ZNF497: variants seen among roughly 807,000 people sequenced by gnomAD.
The protein encoded by ZNF497 is zinc finger-like protein.
For missense variants in ZNF497, 930 were observed against 714.0 expected, an observed-to-expected ratio of 1.30 and a Z score of -3.45; for synonymous variants, 422 against 313.7, an observed-to-expected ratio of 1.35 and a Z score of -3.65.
At position 58,356,258 on chromosome 19, in the gene ZNF497, G is replaced by GCTGCACCA; in HGVS notation, c.1377_1378insTGGTGCAG (p.His460TrpfsTer48). 1 of 1,604,704 alleles carries GCTGCACCA rather than the reference G, an allele frequency of 6.2e-7. No individual in the cohort carries two copies. Among genetic ancestry groups the GCTGCACCA allele is most frequent in the Admixed American group, 1.7e-5 (1 of 59,066 alleles). ...CTCTCGCCCGTGTGCGTGCGCCGGT[G>GCTGCACCA]GCTTAAGAGCTCCGACTTGCGCACG... is the stretch of plus-strand genomic sequence containing the variant. On this transcript the variant is annotated frameshift_variant, in exon 3 of 3. Transcript: ENST00000311044.
rs1401951294 is a variant in ZNF497 at position 58,356,687 on chromosome 19, G to A, written c.949C>T (p.Leu317Phe). Residue 317 changes from leucine to phenylalanine, a missense_variant, in exon 3 of 3, where the codon CTC (leucine) becomes TTC (phenylalanine). By Grantham distance (22) the Leu-to-Phe change is conservative. Transcript: ENST00000311044. ...GTGTGCGTGCGCTGGTGCTGCAGGA[G>A]CTGCGAGCTCTCGCGGAAAGCCTTT... ...CGKAFRESSQLLQHQRTHTGE... is the reference protein window; with the variant it reads ...CGKAFRESSQFLQHQRTHTGE... 7.7e-6 allele frequency: 12 copies of A among 1,559,406 alleles called. No homozygotes were observed. The highest frequency in any genetic ancestry group is 1.7e-4 in the Middle Eastern group (1 of 5,770).
chr19:58,361,379 CAG>C (rs373497082), intron 1 of ZNF497, among the ~76,000 whole-genome samples: 226 of 152,122 alleles, frequency 1.5e-3, no homozygotes, highest in African/African-American at 5.2e-3. Context: ...TTTTTTGAGA[CAG>C]AGTCTCGCTC....
chr19:58,360,149 G>A (rs1208963426), intron 1 of ZNF497, among the ~76,000 whole-genome samples: 1 of 152,190 alleles, frequency 6.6e-6, no homozygotes, highest in African/African-American at 2.4e-5. Flanking sequence ...TAGATCAGCG[G>A]TTGCCAGGAT....
intron 1 of ZNF497, among the ~76,000 whole-genome samples, chr19:58,359,755 C>T (rs563172215): frequency 4.4e-4 from 67 of 152,228 alleles, no homozygotes; most frequent in Non-Finnish European, 7.9e-4. Flanking sequence ...GGGTGGATCA[C>T]GAGGTCAGCA....
chr19:58,359,168 C>T, intron 1 of ZNF497: 1 of 1,290,834 alleles, frequency 7.7e-7, no homozygotes, highest in Admixed American at 2.3e-5. Flanking sequence ...GAAGCACTGG[C>T]CAGGGCTCTT....
rs1306265745 is a variant in ZNF497, at chr19:58,356,005, G to A, written c.*134C>T. The A allele has an allele frequency of 1.9e-6, 2 of 1,038,706 alleles. No individual in the cohort carries two copies. The highest frequency in any genetic ancestry group is 2.7e-6 in the Non-Finnish European group (2 of 744,458). The allele number at this position is 1,038,706 out of a possible 1,614,324, so 64.3% of individuals were successfully genotyped here. On this transcript the variant is annotated 3_prime_UTR_variant, in exon 3 of 3. Coordinates refer to ENST00000311044, the MANE Select transcript of ZNF497 (RefSeq NM_198458.3). ...GCAGCCAGGGTTCTCCACACCCAAG[G>A]CCGCCCCTGCACTCCCAGCAGGAGG...
At chr19:58,358,324 T>C in intron 2 of ZNF497, 165 bp downstream of exon 2, 1 of 1,276,596 alleles carries the variant, frequency 7.8e-7, no homozygotes, top group South Asian at 1.2e-5. Context: ...AGGGCCTCCT[T>C]GGTCCTAAGG....
intron 2 of ZNF497, 53 bp from the exon 3 acceptor site, chr19:58,357,702 CAG>C: frequency 6.8e-7 from 1 of 1,467,788 alleles, no homozygotes; most frequent in Non-Finnish European, 9.0e-7. Flanking sequence ...GAACACCAGA[CAG>C]AGGGCCTGAG....
Position 58,356,585 on chromosome 19 carries a change from C to A in ZNF497, c.1051G>T (p.Val351Leu). 1 of 1,540,804 alleles carries A rather than the reference C, an allele frequency of 6.5e-7. No homozygotes were observed. The highest frequency in any genetic ancestry group is 8.7e-7 in the Non-Finnish European group (1 of 1,148,796). ...MGSYLAEHRR[V>L]HTGEKPHACA... ...GCATGAGGCTTCTCGCCCGTGTGCA[C>A]GCGCCGGTGCTCCGCCAGGTAGGAG... Residue 351 changes from valine to leucine, a missense_variant, in exon 3 of 3, where the codon GTG becomes TTG. By Grantham distance (32) the Val-to-Leu change is conservative (BLOSUM62 1). Transcript: ENST00000311044.
chr19:58,358,644 A>G, intron 1 of ZNF497, 59 bp from the exon 2 acceptor site: 1 of 935,668 alleles, frequency 1.1e-6, no homozygotes, highest in African/African-American at 1.7e-5. Flanking sequence ...ATCTGAGAAA[A>G]CAAGGGGCAT....
intron 2 of ZNF497, 168 bp downstream of exon 2, chr19:58,358,321 C>A: frequency 7.8e-7 from 1 of 1,279,592 alleles, no homozygotes; most frequent in Non-Finnish European, 1.0e-6. Context: ...GGGAGGGCCT[C>A]CTTGGTCCTA....
At position 58,356,168 on chromosome 19, in the gene ZNF497, T is replaced by G; in HGVS notation, c.1468A>C (p.Lys490Gln). Residue 490 changes from lysine (K) to glutamine (Q), a missense_variant, in exon 3 of 3, where the codon AAG (lysine) becomes CAG (glutamine). By Grantham distance (53) the Lys-to-Gln change is moderately conservative. Coordinates refer to ENST00000311044, the MANE Select transcript of ZNF497 (RefSeq NM_198458.3). ...SHRCNLNEHQ[K>Q]RHGGRAAP ...GGCGCAGCGCGGCCCCCGTGCCGCTTCTGGTGCTCGTTGAGGTTGCAACGG... is the reference window on the plus strand; with the variant it reads ...GGCGCAGCGCGGCCCCCGTGCCGCTGCTGGTGCTCGTTGAGGTTGCAACGG... 6.3e-7 allele frequency: 1 copy of G among 1,578,746 alleles called. No individual in the cohort carries two copies.
In ZNF497 at chr19:58,356,363, C is replaced by T. The variant is rs1476723504; in HGVS notation, c.1273G>A (p.Gly425Ser). 4 of 1,565,016 alleles carry T rather than the reference C, an allele frequency of 2.6e-6. No homozygotes were observed. The highest frequency in any genetic ancestry group is 3.7e-5 in the Admixed American group (2 of 53,356). ...TGGTGCTGGCGCAGCTCGGAGCTGC[C>T]GCGGAAGGCCTTGCCGCATTCTGCG... is the stretch of plus-strand genomic sequence containing the variant. Reference protein sequence around the residue: ...ACAECGKAFRGSSELRQHQRL... With the variant: ...ACAECGKAFRSSSELRQHQRL... Residue 425 changes from glycine (G) to serine (S), a missense_variant, in exon 3 of 3, where the codon GGC becomes AGC. By Grantham distance (56) the Gly-to-Ser change is moderately conservative. Coordinates refer to ENST00000311044, the MANE Select transcript of ZNF497 (RefSeq NM_198458.3).
In ZNF497 at chr19:58,356,918, G is replaced by C; in HGVS notation, c.718C>G (p.His240Asp). Reference sequence around the variant, plus strand: ...CAGGCGTGCGGCCGCGCGCCCGTGTGCACGCGCCGGTGCTCCAGGAAATTG... The same window carrying C: ...CAGGCGTGCGGCCGCGCGCCCGTGTCCACGCGCCGGTGCTCCAGGAAATTG... ...NSNFLEHRRV[H>D]TGARPHACRD... is the part of the protein sequence containing the mutation. The change falls in exon 3 of 3, where the codon CAC (histidine) becomes GAC (aspartate). Residue 240 changes from histidine to aspartate, a missense_variant. Physicochemically the swap from His to Asp is moderately conservative, Grantham distance 81 (BLOSUM62 -1). Coordinates refer to ENST00000311044, the MANE Select transcript of ZNF497 (RefSeq NM_198458.3). 1 of 1,595,158 alleles carries C rather than the reference G, an allele frequency of 6.3e-7. No homozygotes were observed. The highest frequency in any genetic ancestry group is 8.5e-7 in the Non-Finnish European group (1 of 1,174,822).
At position 58,356,741 on chromosome 19, in the gene ZNF497, CG is replaced by C. The variant is rs1568558140; in HGVS notation, c.894del (p.Ser298ArgfsTer77). On this transcript the variant is annotated frameshift_variant, in exon 3 of 3. Transcript: ENST00000311044. Reference sequence around the variant, plus strand: ...CACTCGGCGCAGGGGAAGGGCTTCTCGCTGCTGTGCGTGCGCCGGTGCTGCC... The same window carrying C: ...CACTCGGCGCAGGGGAAGGGCTTCTCCTGCTGTGCGTGCGCCGGTGCTGCC... ...GLRQHRRTHS[S>X]EKPFPCAECG... 6.4e-7 allele frequency: 1 copy of C among 1,567,738 alleles called. No individual in the cohort carries two copies. Among genetic ancestry groups the C allele is most frequent in the Non-Finnish European group, 8.6e-7 (1 of 1,163,656 alleles).
At chr19:58,358,271 T>G (rs1426588151) in intron 2 of ZNF497, 1 of 1,289,674 alleles carries the variant, frequency 7.8e-7, no homozygotes, top group Non-Finnish European at 1.0e-6. Context: ...ATGGGGTGGC[T>G]GTGCAGCCCA....
Position 58,356,346 on chromosome 19 carries a change from G to C in ZNF497, c.1290C>G (p.Arg430=), listed in dbSNP as rs1306184862. 2.6e-6 allele frequency: 4 copies of C among 1,567,114 alleles called. No homozygotes were observed. Among genetic ancestry groups the C allele is most frequent in the Non-Finnish European group, 3.5e-6 (4 of 1,159,400 alleles). Residue 430 remains arginine (R), a synonymous_variant, in exon 3 of 3, where the codon CGC becomes CGG. Coordinates refer to ENST00000311044, the MANE Select transcript of ZNF497 (RefSeq NM_198458.3). ...GKAFRGSSEL[R]QHQRLHSGER... The stretch of plus-strand genomic sequence containing the variant: ...CGCCAGAGTGCAGGCGCTGGTGCTG[G>C]CGCAGCTCGGAGCTGCCGCGGAAGG...
intron 2 of ZNF497, 31 bp downstream of exon 2, chr19:58,358,458 G>A: frequency 1.7e-6 from 2 of 1,150,806 alleles, no homozygotes; most frequent in Middle Eastern, 3.9e-4. Flanking sequence ...GCCAAGGCAG[G>A]GCAGGGACAA....
At position 58,356,571 on chromosome 19, in the gene ZNF497, C is replaced by T; in HGVS notation, c.1065G>A (p.Glu355=). 1 of 1,548,954 alleles carries T rather than the reference C, an allele frequency of 6.5e-7. No individual in the cohort carries two copies. Among genetic ancestry groups the T allele is most frequent in the South Asian group, 1.2e-5 (1 of 84,938 alleles). The part of the protein sequence containing the change: ...LAEHRRVHTG[E]KPHACAQCGK... ...CGCACTGGGCGCACGCATGAGGCTT[C>T]TCGCCCGTGTGCACGCGCCGGTGCT... The change falls in exon 3 of 3, where the codon GAG becomes GAA. Residue 355 remains glutamate (E), a synonymous_variant. Coordinates refer to ENST00000311044, the MANE Select transcript of ZNF497 (RefSeq NM_198458.3).
Sources: gnomAD v4.1 joint callset for allele counts (sites outside exome capture counted in the v4.1 genomes callset) on GRCh38, gnomAD v4.1.1 for gene constraint, MANE v1.5 for transcripts, NCBI Gene and HGNC (gene_info 2026-07-23, HGNC 2026-07-21) for gene names.